AQP1: variants seen among roughly 807,000 people sequenced by gnomAD.
AQP1 encodes aquaporin-1.
In AQP1, 11 loss-of-function variants were observed where a neutral mutation model predicts 19.7. The ratio of observed to expected loss-of-function variants is 0.56; its 90% CI spans 0.35 to 0.92. The LOEUF (loss-of-function observed/expected upper bound fraction) is 0.92. Among genes scored for constraint, AQP1 ranks in the 40% least tolerant of loss-of-function variants. The pLI, the probability that AQP1 is intolerant of heterozygous loss-of-function variation, is 0.01. For missense variants in AQP1, 320 were observed against 369.7 expected (o/e 0.87, Z 1.10); for synonymous variants, 159 against 166.7 (o/e 0.95, Z 0.36).
At chr7:30,914,377 A>T (rs1327775208) in intron 1 of AQP1, among the ~76,000 whole-genome samples, 1 of 152,218 alleles carries the variant, frequency 6.6e-6, no homozygotes, top group South Asian at 2.1e-4. Context: ...ACACCCAGAC[A>T]GCCAGCTCAC....
Position 30,912,702 on chromosome 7 carries a change from A to G in AQP1, c.384+409A>G, listed in dbSNP as rs1379056194. ...TGCCCGCTGTCCCCAGCCACCCTGA[A>G]CCAAATGCCCAGCCTGTCTGCAGCT... On this transcript the variant is annotated intron_variant, in intron 1 of 3. Coordinates refer to ENST00000311813, the MANE Select transcript of AQP1 (RefSeq NM_198098.4). This position sits in a 1 kb window ranked among gnomAD's most constrained non-coding sequence, Gnocchi z 4.3. Among the ~76,000 whole-genome samples, 14 of 152,112 alleles carry G rather than the reference A, an allele frequency of 9.2e-5. No individual in the cohort carries two copies. The highest frequency in any genetic ancestry group is 1.3e-4 in the Non-Finnish European group (9 of 68,022).
intron 1 of AQP1, among the ~76,000 whole-genome samples, chr7:30,920,138 A>C (rs1488619862): frequency 6.6e-6 from 1 of 152,126 alleles, no homozygotes; most frequent in Non-Finnish European, 1.5e-5. Flanking sequence ...TTCTGGTCAC[A>C]TCTGTGAGGG....
intron 1 of AQP1, among the ~76,000 whole-genome samples, chr7:30,916,623 G>T (rs1292685256): frequency 6.6e-6 from 1 of 152,254 alleles, no homozygotes; most frequent in Non-Finnish European, 1.5e-5. Flanking sequence ...CTACAGTTCT[G>T]TGGGGTGGGC....
chr7:30,920,114 A>T (rs753123167), intron 1 of AQP1, among the ~76,000 whole-genome samples: 1 of 152,124 alleles, frequency 6.6e-6, no homozygotes, highest in Non-Finnish European at 1.5e-5. Context: ...TAAGAACCAG[A>T]GGAGATGAGC....
At chr7:30,922,451 A>G in intron 2 of AQP1, 113 bp from the exon 3 acceptor site, 1 of 1,319,872 alleles carries the variant, frequency 7.6e-7, no homozygotes, top group South Asian at 1.2e-5. Flanking sequence ...CCTGGGTCTC[A>G]TTGTCCCCCA....
intron 1 of AQP1, chr7:30,921,327 C>A (rs1791492527): frequency 2.2e-6 from 3 of 1,351,258 alleles, no homozygotes; most frequent in East Asian, 2.7e-5. Flanking sequence ...TAAGTGGCAG[C>A]CAGACGGTGG....
rs767720255 is a variant in AQP1 at position 30,912,837 on chromosome 7, T to G, written c.384+544T>G. ...AGAGAAAGGCCCTCTTCCACTCTTT[T>G]GCCCCTGAGATTAGACAAAGATAAG... On this transcript the variant is annotated intron_variant, in intron 1 of 3. Coordinates refer to ENST00000311813, the MANE Select transcript of AQP1 (RefSeq NM_198098.4). The surrounding 1 kb of genome is among the most constrained non-coding windows in gnomAD (Gnocchi z 4.3). Among the ~76,000 whole-genome samples the G allele has an allele frequency of 3.3e-5, 5 of 152,188 alleles. No homozygotes were observed. The highest frequency in any genetic ancestry group is 2.0e-4 in the Admixed American group (3 of 15,284).
At chr7:30,913,564 C>G (rs1791226597) in intron 1 of AQP1, among the ~76,000 whole-genome samples, 1 of 152,150 alleles carries the variant, frequency 6.6e-6, no homozygotes, top group Non-Finnish European at 1.5e-5. Context: ...ATTACAGCAG[C>G]TGTCCTCTCG....
chr7:30,917,067 CG>C (rs1791375674), intron 1 of AQP1, among the ~76,000 whole-genome samples: 1 of 152,104 alleles, frequency 6.6e-6, no homozygotes, highest in Admixed American at 6.6e-5. Context: ...TTGGAGACTG[CG>C]GGGGCTCGAA....
chr7:30,924,646 T>C lies in AQP1; in HGVS notation c.*1017T>C, dbSNP rs1344209601. The stretch of plus-strand genomic sequence containing the variant: ...GGTCACCATTATGCTGGTGTATGTT[T>C]ATCAAAGAGCACTTGAGCTGTCTGA... On this transcript the variant is annotated 3_prime_UTR_variant, in exon 4 of 4. Coordinates refer to ENST00000311813, the MANE Select transcript of AQP1 (RefSeq NM_198098.4). The C allele has an allele frequency of 4.6e-5, 7 of 152,266 alleles. No homozygotes were observed. The highest frequency in any genetic ancestry group is 3.3e-4 in the Admixed American group (5 of 15,288). The allele number at this position is 152,266 out of a possible 1,614,324, so 9.4% of individuals were successfully genotyped here.
rs762347784 is a variant in AQP1, at chr7:30,923,583, T to A, written c.764T>A (p.Leu255Gln). ...WTSGQVEEYD[L>Q]DADDINSRVE... ...AGCGGCCAGGTGGAGGAGTATGACC[T>A]GGATGCCGACGACATCAACTCCAGG... The change falls in exon 4 of 4, where the codon CTG becomes CAG. Residue 255 changes from leucine (L) to glutamine (Q), a missense_variant. By Grantham distance (113) the Leu-to-Gln change is moderately radical (BLOSUM62 -2). Coordinates refer to ENST00000311813, the MANE Select transcript of AQP1 (RefSeq NM_198098.4). This position sits in a 1 kb window ranked among gnomAD's most constrained non-coding sequence, Gnocchi z 4.8. 7 of 1,609,392 alleles carry A rather than the reference T, an allele frequency of 4.3e-6. No individual in the cohort carries two copies. The highest frequency in any genetic ancestry group is 2.2e-5 in the South Asian group (2 of 90,944).
At chr7:30,921,877 G>A (rs771517807) in intron 1 of AQP1, 189 bp from the exon 2 acceptor site, 2 of 1,534,236 alleles carry the variant, frequency 1.3e-6, no homozygotes, top group South Asian at 1.2e-5. Context: ...AACACAGGGG[G>A]TGGGTTCAAG....
chr7:30,921,455 G>A (rs1791497128), intron 1 of AQP1: 12 of 1,465,446 alleles, frequency 8.2e-6, no homozygotes, highest in African/African-American at 1.4e-5. Flanking sequence ...GACAGGCCTT[G>A]GACCAAGGAA....
At position 30,919,554 on chromosome 7, in the gene AQP1, T is replaced by TCC. The variant is rs1562579152; in HGVS notation, c.385-2512_385-2511insCC. Among the ~76,000 whole-genome samples, 99 of 113,848 alleles carry TCC rather than the reference T, an allele frequency of 8.7e-4. No homozygotes were observed. The Middle Eastern group carries it at 0.022, about 25-fold the overall frequency. 74.7% of individuals were successfully genotyped at this position (113,848 alleles called of 152,430 possible). A position where few individuals can be genotyped will look rare whatever the true frequency, so the allele number is the denominator to read the frequency against. On this transcript the variant is annotated intron_variant, in intron 1 of 3. Transcript: ENST00000311813. The stretch of plus-strand genomic sequence containing the variant: ...GAGAATTGAGAATTGTTCTGATTCT[T>TCC]ACTTTTTTTTTTTTTTTTTTGCCTT...
chr7:30,915,044 C>T (rs775292407), intron 1 of AQP1, among the ~76,000 whole-genome samples: 2 of 152,226 alleles, frequency 1.3e-5, no homozygotes, highest in Non-Finnish European at 2.9e-5. Flanking sequence ...TGGCATCACA[C>T]AACAGACTGG....
Position 30,912,097 on chromosome 7 carries a change from T to C in AQP1, c.188T>C (p.Leu63Pro). 1 of 1,613,276 alleles carries C rather than the reference T, an allele frequency of 6.2e-7. No homozygotes were observed. The highest frequency in any genetic ancestry group is 8.5e-7 in the Non-Finnish European group (1 of 1,180,032). Residue 63 changes from leucine (L) to proline (P), a missense_variant, in exon 1 of 4, where the codon CTG becomes CCG. By Grantham distance (98) the Leu-to-Pro change is moderately conservative. Transcript: ENST00000311813. This position sits in a 1 kb window ranked among gnomAD's most constrained non-coding sequence, Gnocchi z 4.3. Reference protein sequence around the residue: ...SLAFGLSIATLAQSVGHISGA... With the variant: ...SLAFGLSIATPAQSVGHISGA... ...GCCTTCGGGCTGAGCATCGCCACGC[T>C]GGCGCAGAGTGTGGGCCACATCAGC...
rs1791617806 is a variant in AQP1, at chr7:30,924,165, G to A, written c.*536G>A. ...TGCTCCCAAGCCCCTGACCCGCTCG[G>A]ACTTACTGCCTGACCTTGGAATCGT... On this transcript the variant is annotated 3_prime_UTR_variant, in exon 4 of 4. Transcript: ENST00000311813. The A allele has an allele frequency of 8.6e-7, 1 of 1,157,310 alleles. No individual in the cohort carries two copies. Among genetic ancestry groups the A allele is most frequent in the Admixed American group, 3.8e-5 (1 of 26,436 alleles). 71.7% of individuals were successfully genotyped at this position (1,157,310 alleles called of 1,614,324 possible).
intron 1 of AQP1, among the ~76,000 whole-genome samples, chr7:30,919,326 C>T (rs1282062609): frequency 6.6e-6 from 1 of 152,162 alleles, no homozygotes; most frequent in Non-Finnish European, 1.5e-5. Flanking sequence ...GAAGTTAATT[C>T]CAGCCAGGGA....
chr7:30,921,137 A>G (rs763597785), intron 1 of AQP1, among the ~76,000 whole-genome samples: 15 of 152,162 alleles, frequency 9.9e-5, no homozygotes, highest in Non-Finnish European at 2.1e-4. Context: ...GATGTGGTCC[A>G]TCTCCCCTGT....
Sources: allele counts gnomAD v4.1 joint callset (sites outside exome capture counted in the v4.1 genomes callset), GRCh38; gene constraint gnomAD v4.1.1; non-coding constraint Gnocchi (gnomAD v3.1); transcripts MANE v1.5; gene names NCBI Gene and HGNC (gene_info 2026-07-23, HGNC 2026-07-21).